The following WDR7 variants were observed in gnomAD, a reference collection of about 807,000 sequenced individuals.
The protein encoded by WDR7 is WD repeat-containing protein 7.
A neutral mutation model predicts 169.4 loss-of-function variants in WDR7; 46 were observed. The ratio of observed to expected loss-of-function variants is 0.27; its 90% CI spans 0.21 to 0.35. WDR7 has a LOEUF of 0.35. WDR7 is among the 10% of genes least tolerant of loss of function. WDR7 has a pLI of 1.00. For synonymous variants in WDR7, 612 were observed against 666.8 expected (o/e 0.92, Z 1.27); for missense variants, 1,534 against 1,859.3 (o/e 0.83, Z 3.22).
chr18:56,793,834 A>C (rs370423756), intron 19 of WDR7, among the ~76,000 whole-genome samples: 14 of 152,350 alleles, frequency 9.2e-5, no homozygotes, highest in African/African-American at 3.1e-4. Flanking sequence ...ACATCTTTCT[A>C]TTAATTATAT....
chr18:57,027,100 T>C lies in WDR7; in HGVS notation c.4366T>C (p.Ser1456Pro). ...TYQVPPVQPA[S>P]PGSHNALKLA... Reference sequence around the variant, plus strand: ...CCAGGTGCCCCCTGTGCAGCCCGCGTCCCCCGGCTCCCACAATGCCCTCAA... The same window carrying C: ...CCAGGTGCCCCCTGTGCAGCCCGCGCCCCCCGGCTCCCACAATGCCCTCAA... Residue 1456 changes from serine (S) to proline (P), a missense_variant, in exon 28 of 28, where the codon TCC becomes CCC. Physicochemically the swap from Ser to Pro is moderately conservative, Grantham distance 74. Coordinates refer to ENST00000254442, the MANE Select transcript of WDR7 (RefSeq NM_015285.3). The C allele has an allele frequency of 6.2e-7, 1 of 1,614,006 alleles. No individual in the cohort carries two copies. The highest frequency in any genetic ancestry group is 8.5e-7 in the Non-Finnish European group (1 of 1,180,002).
chr18:56,785,830 CTTTTTTTTT>C (rs112540201), intron 19 of WDR7, among the ~76,000 whole-genome samples: 2 of 139,780 alleles, frequency 1.4e-5, no homozygotes, highest in African/African-American at 5.3e-5. Flanking sequence ...TTTTCTTTTT[CTTTTTTTTT>C]TTTTTTTAAA....
chr18:57,030,461 A>G (rs2048434472), downstream of WDR7: 1 of 152,178 alleles, frequency 6.6e-6, no homozygotes, highest in Admixed American at 6.5e-5. Flanking sequence ...CTCATGACTT[A>G]AATGTATTCT....
intron 20 of WDR7, among the ~76,000 whole-genome samples, chr18:56,827,880 C>CA (rs1429616576): frequency 6.6e-6 from 1 of 151,746 alleles, no homozygotes; most frequent in African/African-American, 2.4e-5. Context: ...CAGCAAAAAA[C>CA]AAAAAAGATT....
chr18:56,842,607 C>T (rs1258222173), intron 20 of WDR7, among the ~76,000 whole-genome samples: 1 of 149,248 alleles, frequency 6.7e-6, no homozygotes, highest in African/African-American at 2.6e-5. Flanking sequence ...GTAAAGGATT[C>T]GTAGTACTTC....
chr18:56,693,950 G>T, intron 9 of WDR7, among the ~76,000 whole-genome samples: 1 of 152,004 alleles, frequency 6.6e-6, no homozygotes, highest in Admixed American at 6.6e-5. Flanking sequence ...GTTCACTGTA[G>T]CTTCAAACTC....
intron 14 of WDR7, among the ~76,000 whole-genome samples, chr18:56,755,670 G>C (rs770176664): frequency 9.9e-5 from 15 of 152,186 alleles, no homozygotes; most frequent in Non-Finnish European, 2.1e-4. Context: ...TAGGAGACTG[G>C]TCTGGCTGAT....
intron 1 of WDR7, 36 bp from the exon 2 acceptor site, chr18:56,672,459 AAT>A: frequency 7.2e-7 from 1 of 1,393,964 alleles, no homozygotes; most frequent in Non-Finnish European, 9.4e-7. Flanking sequence ...TTTCGAGAGA[AAT>A]ATTGTAATAT....
intron 17 of WDR7, among the ~76,000 whole-genome samples, chr18:56,777,224 A>G (rs1434925443): frequency 2.0e-5 from 3 of 152,152 alleles, no homozygotes; most frequent in East Asian, 3.9e-4. Context: ...TATATGTATC[A>G]TTACTTGGTG....
At chr18:56,825,656 A>T (rs934225378) in intron 20 of WDR7, among the ~76,000 whole-genome samples, 2 of 152,236 alleles carry the variant, frequency 1.3e-5, no homozygotes, top group African/African-American at 4.8e-5. Flanking sequence ...TATAAACCTT[A>T]CAAGAGAAAA....
chr18:56,717,628 A>G (rs2026221614), intron 12 of WDR7, among the ~76,000 whole-genome samples: 2 of 152,256 alleles, frequency 1.3e-5, no homozygotes, highest in Admixed American at 6.5e-5. Context: ...CACTGTGGAA[A>G]GAGCACACCT....
At position 56,756,799 on chromosome 18, in the gene WDR7, G is replaced by A; in HGVS notation, c.2206G>A (p.Gly736Arg). 6.2e-7 allele frequency: 1 copy of A among 1,613,954 alleles called. No homozygotes were observed. Among genetic ancestry groups the A allele is most frequent in the Non-Finnish European group, 8.5e-7 (1 of 1,180,008 alleles). The change falls in exon 15 of 28, where the codon GGA (glycine) becomes AGA (arginine). Residue 736 changes from glycine to arginine, a missense_variant. Physicochemically the swap from Gly to Arg is moderately radical, Grantham distance 125. Coordinates refer to ENST00000254442, the MANE Select transcript of WDR7 (RefSeq NM_015285.3). Reference sequence around the variant, plus strand: ...AGACAAAGGGGGCTCTTTTTTAACTGGAAAACGAGCAGCAGTTCTCTTCCA... The same window carrying A: ...AGACAAAGGGGGCTCTTTTTTAACTAGAAAACGAGCAGCAGTTCTCTTCCA... ...SSDKGGSFLT[G>R]KRAAVLFQQV... is the part of the protein sequence containing the mutation.
Position 56,705,287 on chromosome 18 carries a change from G to A in WDR7, c.1578+8825G>A, listed in dbSNP as rs572985911. On this transcript the variant is annotated intron_variant, in intron 12 of 27. Coordinates refer to ENST00000254442, the MANE Select transcript of WDR7 (RefSeq NM_015285.3). ...CAGGCACTTTCTAGAACCAGAGATA[G>A]GGATAAGATATCTTTTTTTTTTTTG... is the stretch of plus-strand genomic sequence containing the variant. Among the ~76,000 whole-genome samples the A allele has an allele frequency of 8.5e-5, 13 of 152,112 alleles. No homozygotes were observed. The South Asian group carries it at 2.3e-3, about 27-fold the overall frequency.
At chr18:56,725,556 C>T (rs1256312348) in intron 13 of WDR7, among the ~76,000 whole-genome samples, 1 of 152,074 alleles carries the variant, frequency 6.6e-6, no homozygotes, top group Non-Finnish European at 1.5e-5. Context: ...GATATTAGCC[C>T]TTTGTCAGAT....
chr18:56,973,943 A>G (rs917879044), intron 26 of WDR7, among the ~76,000 whole-genome samples: 1 of 152,152 alleles, frequency 6.6e-6, no homozygotes, highest in African/African-American at 2.4e-5. Context: ...TATGTCCTAA[A>G]CCATTTCCTT....
At chr18:56,762,666 G>C (rs969180185) in intron 16 of WDR7, among the ~76,000 whole-genome samples, 30 of 151,750 alleles carry the variant, frequency 2.0e-4, no homozygotes, top group Non-Finnish European at 3.7e-4. Context: ...GTCTTACCAG[G>C]GGTTTATCAA....
intron 22 of WDR7, among the ~76,000 whole-genome samples, chr18:56,929,544 TAAACA>T (rs2046852943): frequency 3.3e-5 from 5 of 152,210 alleles, no homozygotes; most frequent in Non-Finnish European, 7.3e-5. Flanking sequence ...TTAGACAGAT[TAAACA>T]ACTTGGCTGA....
At chr18:56,959,376 G>C (rs2047304468) in intron 25 of WDR7, among the ~76,000 whole-genome samples, 1 of 152,140 alleles carries the variant, frequency 6.6e-6, no homozygotes, top group African/African-American at 2.4e-5. Context: ...CTTATTGGAT[G>C]ATGACCACCT....
chr18:56,944,486 A>G (rs2047076842), intron 25 of WDR7, among the ~76,000 whole-genome samples: 1 of 152,256 alleles, frequency 6.6e-6, no homozygotes, highest in African/African-American at 2.4e-5. Flanking sequence ...AATGAGTGGT[A>G]CATTCAGTCA....
Sources: allele counts gnomAD v4.1 joint callset (sites outside exome capture counted in the v4.1 genomes callset), GRCh38; gene constraint gnomAD v4.1.1; transcripts MANE v1.5; gene names NCBI Gene and HGNC (gene_info 2026-07-23, HGNC 2026-07-21).